The following IL1RAPL1 variants were observed in gnomAD, a reference collection of about 807,000 sequenced individuals.
IL1RAPL1 encodes interleukin 1 receptor accessory protein like 1.
In IL1RAPL1, 3 loss-of-function variants were observed where a neutral mutation model predicts 48.4. The ratio of observed to expected loss-of-function variants is 0.06; its 90% CI spans 0.03 to 0.16. IL1RAPL1 has a LOEUF of 0.16. Among genes scored for constraint, IL1RAPL1 ranks in the 10% least tolerant of loss-of-function variants. IL1RAPL1 has a pLI of 1.00. For missense variants in IL1RAPL1, 349 were observed against 530.6 expected, an observed-to-expected ratio of 0.66 and a Z score of 3.36; for synonymous variants, 185 against 187.7, an observed-to-expected ratio of 0.99 and a Z score of 0.12.
intron 2 of IL1RAPL1, among the ~76,000 whole-genome samples, chrX:28,815,828 T>C (rs1259500253): frequency 5.7e-5 from 4 of 70,323 alleles, no homozygotes; most frequent in East Asian, 4.5e-4. Context: ...TGTGTATGTA[T>C]GTGTGTTTAT....
chrX:29,251,448 G>T (rs766405016), intron 2 of IL1RAPL1, among the ~76,000 whole-genome samples: 2 of 111,490 alleles, frequency 1.8e-5, no homozygotes, highest in Non-Finnish European at 3.8e-5. Flanking sequence ...GACCGTGTAT[G>T]CAGGAGTAGG....
intron 3 of IL1RAPL1, among the ~76,000 whole-genome samples, chrX:29,385,171 A>C (rs1933758629): frequency 8.9e-6 from 1 of 112,208 alleles, no homozygotes; most frequent in Admixed American, 9.4e-5. Context: ...GAAATTATTT[A>C]CCCATGGGCG....
intron 1 of IL1RAPL1, among the ~76,000 whole-genome samples, chrX:28,706,004 G>A (rs1267789464): frequency 2.7e-5 from 3 of 111,854 alleles, no homozygotes; most frequent in Non-Finnish European, 3.8e-5. Context: ...TTTCTCAGTG[G>A]CTGCATCATT....
rs146326087 is a variant in IL1RAPL1, at chrX:29,396,628, A to C, written c.549+184A>C. Among the ~76,000 whole-genome samples the C allele has an allele frequency of 5.2e-3, 585 of 112,142 alleles. 7 individuals are homozygous for C. Among genetic ancestry groups the C allele is most frequent in the African/African-American group, 0.018 (562 of 30,939 alleles). On this transcript the variant is annotated intron_variant, in intron 4 of 10. Transcript: ENST00000378993. ...CAATGGCTTTAGTAAATTCTAGTCAATGTTTGTATTGGTAATCCACTGTAA... is the reference window on the plus strand; with the variant it reads ...CAATGGCTTTAGTAAATTCTAGTCACTGTTTGTATTGGTAATCCACTGTAA...
chrX:28,736,635 A>G (rs771916478), intron 1 of IL1RAPL1, among the ~76,000 whole-genome samples: 1 of 111,846 alleles, frequency 8.9e-6, no homozygotes, highest in Non-Finnish European at 1.9e-5. Flanking sequence ...ACAGACCTTT[A>G]ACTCTCCCCA....
chrX:29,691,379 G>A (rs1034855988), intron 6 of IL1RAPL1, among the ~76,000 whole-genome samples: 5 of 111,774 alleles, frequency 4.5e-5, no homozygotes, highest in Non-Finnish European at 7.5e-5. Context: ...TATTTAGAAA[G>A]TCAAGAGTTA....
Position 29,955,517 on chromosome X carries a change from C to T in IL1RAPL1, c.1788C>T (p.Thr596=). The change falls in exon 11 of 11, where the codon ACC becomes ACT. Residue 596 remains threonine (T), a synonymous_variant. Coordinates refer to ENST00000378993, the MANE Select transcript of IL1RAPL1 (RefSeq NM_014271.4). The stretch of plus-strand genomic sequence containing the variant: ...CGGCCATTTCCATGGCCGCGGCCAC[C>T]TCCACAGCTCTAGCCACTGCCCATC... The part of the protein sequence containing the change: ...TVSAISMAAA[T]STALATAHPD... 1 of 1,210,288 alleles carries T rather than the reference C, an allele frequency of 8.3e-7. No homozygotes were observed. Among genetic ancestry groups the T allele is most frequent in the Non-Finnish European group, 1.1e-6 (1 of 894,860 alleles).
At chrX:29,450,347 A>G (rs967963959) in intron 5 of IL1RAPL1, among the ~76,000 whole-genome samples, 5 of 112,152 alleles carry the variant, frequency 4.5e-5, no homozygotes, top group Non-Finnish European at 9.4e-5. Flanking sequence ...AACTATCTGT[A>G]AAGGGCCAGA....
intron 5 of IL1RAPL1, among the ~76,000 whole-genome samples, chrX:29,648,188 T>C (rs1016825512): frequency 9.0e-6 from 1 of 111,582 alleles, no homozygotes; most frequent in African/African-American, 3.3e-5. Flanking sequence ...AAGACTGCAA[T>C]ACAGTAACAG....
At chrX:29,268,150 G>A (rs1020508941) in intron 2 of IL1RAPL1, among the ~76,000 whole-genome samples, 3 of 111,671 alleles carry the variant, frequency 2.7e-5, no homozygotes, top group African/African-American at 9.7e-5. Flanking sequence ...TCAAGGAAAC[G>A]ACTGAGTGAA....
intron 5 of IL1RAPL1, among the ~76,000 whole-genome samples, chrX:29,633,662 G>T (rs1331014268): frequency 2.7e-5 from 3 of 111,564 alleles, no homozygotes; most frequent in Middle Eastern, 9.3e-3. Context: ...TTTTATCAGG[G>T]TTGTTTAATT....
At chrX:28,978,554 T>C (rs1449373230) in intron 2 of IL1RAPL1, among the ~76,000 whole-genome samples, 1 of 112,122 alleles carries the variant, frequency 8.9e-6, no homozygotes, top group Non-Finnish European at 1.9e-5. Flanking sequence ...GGTGATGCCT[T>C]GCTTTAGTAC....
At position 28,619,630 on chromosome X, in the gene IL1RAPL1, A is replaced by G. The variant is rs780128662; in HGVS notation, c.-25+31583A>G. ...TCCAAAAAAAAAAAAAAAAAAAGAT[A>G]AAAAAAATTGTTTAACTGAGTTGTG... On this transcript the variant is annotated intron_variant, in intron 1 of 10. Transcript: ENST00000378993. Among the ~76,000 whole-genome samples, 159 of 108,150 alleles carry G rather than the reference A, an allele frequency of 1.5e-3. 1 individual carries two copies. The highest frequency in any genetic ancestry group is 2.7e-3 in the Non-Finnish European group (141 of 52,169). The allele number at this position is 108,150 out of a possible 115,157, so 93.9% of individuals were successfully genotyped here.
At chrX:29,273,747 G>A (rs921925497) in intron 2 of IL1RAPL1, among the ~76,000 whole-genome samples, 2 of 110,545 alleles carry the variant, frequency 1.8e-5, no homozygotes, top group Non-Finnish European at 3.8e-5. Context: ...GCAGAGGCAG[G>A]GTTTCCTGTG....
intron 2 of IL1RAPL1, among the ~76,000 whole-genome samples, chrX:28,934,363 A>G (rs754418789): frequency 2.1e-3 from 237 of 111,223 alleles, no homozygotes; most frequent in Non-Finnish European, 3.8e-3. Context: ...CTTTTCGCTA[A>G]CTGCCTTATT....
rs200015748 is a variant in IL1RAPL1, at chrX:28,950,764, A to G, written c.82+161339A>G. ...AAATACCATTTGACCCAGCCATCCC[A>G]TTACTGGGTATATACCCAAAGGACT... On this transcript the variant is annotated intron_variant, in intron 2 of 10. Transcript: ENST00000378993. Among the ~76,000 whole-genome samples the G allele has an allele frequency of 3.3e-3, 353 of 106,243 alleles. 5 individuals are homozygous for G. In the East Asian group the frequency reaches 0.056, roughly 17 times the overall value. The allele number at this position is 106,243 out of a possible 115,157, so 92.3% of individuals were successfully genotyped here. A position where few individuals can be genotyped will look rare whatever the true frequency, so the allele number is the denominator to read the frequency against.
chrX:28,995,534 T>G (rs899226361), intron 2 of IL1RAPL1, among the ~76,000 whole-genome samples: 6 of 111,422 alleles, frequency 5.4e-5, no homozygotes, highest in Non-Finnish European at 9.4e-5. Context: ...TAAAAATGTC[T>G]TCTTTGAGGT....
chrX:28,834,913 T>C (rs1470596860), intron 2 of IL1RAPL1, among the ~76,000 whole-genome samples: 4 of 111,235 alleles, frequency 3.6e-5, no homozygotes, highest in African/African-American at 6.5e-5. Flanking sequence ...AATATCTGCA[T>C]GACACACACA....
At chrX:28,639,115 C>A (rs1243647871) in intron 1 of IL1RAPL1, among the ~76,000 whole-genome samples, 2 of 111,968 alleles carry the variant, frequency 1.8e-5, no homozygotes, top group African/African-American at 6.5e-5. Context: ...ACATAAAACA[C>A]TTTAACATGT....
Sources: allele counts gnomAD v4.1 joint callset (sites outside exome capture counted in the v4.1 genomes callset), GRCh38; gene constraint gnomAD v4.1.1; transcripts MANE v1.5; gene names NCBI Gene and HGNC (gene_info 2026-07-23, HGNC 2026-07-21).